Variants in LEP observed in about 807,000 individuals in gnomAD.
LEP encodes the protein leptin, also known as leptin (murine obesity homolog).
In LEP, 6 loss-of-function variants were observed where a neutral mutation model predicts 9.8. That is an observed-to-expected ratio of 0.61 (90% CI 0.34 to 1.21). The LOEUF (loss-of-function observed/expected upper bound fraction) is 1.21, where lower values mean the gene tolerates loss of function less well. Ranked by LOEUF, LEP falls within the 50% of genes most tolerant of loss-of-function variation. The probability of loss-of-function intolerance (pLI) is 0.04; values close to 1 mark genes in which losing one functional copy is unlikely to be tolerated. For missense variants in LEP, 134 were observed against 198.1 expected (o/e 0.68, Z 1.94); for synonymous variants, 112 against 81.7 (o/e 1.37, Z -2.00).
intron 1 of LEP, among the ~76,000 whole-genome samples, chr7:128,246,850 G>A (rs1169880637): frequency 1.3e-5 from 2 of 152,154 alleles, no homozygotes; most frequent in Admixed American, 1.3e-4. Flanking sequence ...GAGGGTAGAA[G>A]ATGGGGCAGC....
At position 128,254,931 on chromosome 7, in the gene LEP, C is replaced by T; in HGVS notation, c.*168C>T. 1 of 737,598 alleles carries T rather than the reference C, an allele frequency of 1.4e-6. No individual in the cohort carries two copies. Among genetic ancestry groups the T allele is most frequent in the African/African-American group, 1.8e-5 (1 of 57,124 alleles). The allele number at this position is 737,598 out of a possible 1,614,324, so 45.7% of individuals were successfully genotyped here. On this transcript the variant is annotated 3_prime_UTR_variant, in exon 3 of 3. Coordinates refer to ENST00000308868, the MANE Select transcript of LEP (RefSeq NM_000230.3). ...TCCAAAGGCATAAGACCCTAAGCCT[C>T]CTTTTGCTTGAAACCAAAGATATAT...
intron 2 of LEP, among the ~76,000 whole-genome samples, 165 bp downstream of exon 2, chr7:128,252,327 C>G (rs897560443): frequency 2.6e-5 from 4 of 152,244 alleles, no homozygotes; most frequent in African/African-American, 9.6e-5. Context: ...TCCACTCTTT[C>G]TGGTTGTTTC....
intron 1 of LEP, among the ~76,000 whole-genome samples, chr7:128,245,834 C>T (rs545969860): frequency 8.4e-4 from 127 of 152,040 alleles, no homozygotes; most frequent in African/African-American, 2.7e-3. Flanking sequence ...GAGGCCGAGG[C>T]GGGTGGATCA....
intron 1 of LEP, among the ~76,000 whole-genome samples, chr7:128,251,031 CCCG>C (rs1461038530): frequency 6.6e-6 from 1 of 152,196 alleles, no homozygotes; most frequent in Non-Finnish European, 1.5e-5. Flanking sequence ...TATGCTCTCT[CCCG>C]CCACCATGTC....
At chr7:128,253,686 A>G (rs1051914206) in intron 2 of LEP, among the ~76,000 whole-genome samples, 1 of 152,190 alleles carries the variant, frequency 6.6e-6, no homozygotes, top group African/African-American at 2.4e-5. Context: ...ATGGCTCAGA[A>G]CTAGATAGAG....
intron 1 of LEP, among the ~76,000 whole-genome samples, chr7:128,246,101 A>T (rs1371656882): frequency 6.6e-6 from 1 of 152,010 alleles, no homozygotes; most frequent in Non-Finnish European, 1.5e-5. Context: ...AAAATAAAAA[A>T]AATAAAGAGG....
chr7:128,245,781 G>T (rs1437611018), intron 1 of LEP, among the ~76,000 whole-genome samples: 1 of 152,180 alleles, frequency 6.6e-6, no homozygotes, highest in Non-Finnish European at 1.5e-5. Context: ...AGCAGCAGAT[G>T]GGCCAGGCTC....
intron 1 of LEP, among the ~76,000 whole-genome samples, chr7:128,245,634 A>G (rs1795202021): frequency 6.6e-6 from 1 of 152,212 alleles, no homozygotes; most frequent in African/African-American, 2.4e-5. Context: ...CTCATAATTA[A>G]TAGCAAATAC....
Position 128,255,081 on chromosome 7 carries a change from C to T in LEP, c.*318C>T. 1 of 386,820 alleles carries T rather than the reference C, an allele frequency of 2.6e-6. No individual in the cohort carries two copies. The highest frequency in any genetic ancestry group is 4.9e-6 in the Non-Finnish European group (1 of 202,374). The allele number at this position is 386,820 out of a possible 1,614,324, so 24.0% of individuals were successfully genotyped here. A position where few individuals can be genotyped will look rare whatever the true frequency, so the allele number is the denominator to read the frequency against. On this transcript the variant is annotated 3_prime_UTR_variant, in exon 3 of 3. Transcript: ENST00000308868. ...CTTGTCCCCTCTTGACCCATCTCCC[C>T]CTCACTGAATGCCTCAATGTGACCA...
rs1795334423 is a variant in LEP at position 128,255,953 on chromosome 7, C to G, written c.*1190C>G. 1 of 152,328 alleles carries G rather than the reference C, an allele frequency of 6.6e-6. No individual in the cohort carries two copies. The highest frequency in any genetic ancestry group is 1.9e-4 in the East Asian group (1 of 5,174). The allele number at this position is 152,328 out of a possible 1,614,324, so 9.4% of individuals were successfully genotyped here. The stretch of plus-strand genomic sequence containing the variant: ...TCTTTCCTATCATGGAGTGACGGTC[C>G]CACACTGGTGACTGCGATCTTCAGA... On this transcript the variant is annotated 3_prime_UTR_variant, in exon 3 of 3. Transcript: ENST00000308868.
chr7:128,247,049 A>G (rs1795219546), intron 1 of LEP, among the ~76,000 whole-genome samples: 1 of 152,210 alleles, frequency 6.6e-6, no homozygotes, highest in South Asian at 2.1e-4. Context: ...TAGCACTCAG[A>G]GGAAAGAATG....
Position 128,254,845 on chromosome 7 carries a change from A to G in LEP, c.*82A>G. ...CCAGGTATCTCCAGGATTGAAGAGC[A>G]TTGCATGGACACCCCTTATCCAGGA... On this transcript the variant is annotated 3_prime_UTR_variant, in exon 3 of 3. Coordinates refer to ENST00000308868, the MANE Select transcript of LEP (RefSeq NM_000230.3). The G allele has an allele frequency of 1.4e-6, 2 of 1,464,392 alleles. No individual in the cohort carries two copies. Among genetic ancestry groups the G allele is most frequent in the African/African-American group, 1.4e-5 (1 of 72,382 alleles). The allele number at this position is 1,464,392 out of a possible 1,614,324, so 90.7% of individuals were successfully genotyped here.
Position 128,254,814 on chromosome 7 carries a change from T to C in LEP, c.*51T>C, listed in dbSNP as rs750557041. 5.0e-6 allele frequency: 8 copies of C among 1,592,814 alleles called. No individual in the cohort carries two copies. In the East Asian group the frequency reaches 1.6e-4, roughly 31 times the overall value. On this transcript the variant is annotated 3_prime_UTR_variant, in exon 3 of 3. Coordinates refer to ENST00000308868, the MANE Select transcript of LEP (RefSeq NM_000230.3). ...AGGACTACGTTAAGGGAAGGAACTC[T>C]GGCTTCCAGGTATCTCCAGGATTGA...
chr7:128,249,099 G>A (rs946118595), intron 1 of LEP, among the ~76,000 whole-genome samples: 5 of 152,128 alleles, frequency 3.3e-5, no homozygotes, highest in African/African-American at 9.7e-5. Context: ...CCCTTCTTGG[G>A]CCATGGCCAG....
intron 2 of LEP, among the ~76,000 whole-genome samples, chr7:128,253,261 C>A (rs1009736818): frequency 7.2e-5 from 11 of 152,074 alleles, no homozygotes; most frequent in Admixed American, 2.0e-4. Flanking sequence ...TCAAAGATAC[C>A]CAAAAGAGCG....
At chr7:128,246,787 G>A (rs955729665) in intron 1 of LEP, among the ~76,000 whole-genome samples, 10 of 152,160 alleles carry the variant, frequency 6.6e-5, no homozygotes, top group African/African-American at 2.4e-4. Context: ...AGCTCCAGGG[G>A]CTCCACATTC....
intron 1 of LEP, among the ~76,000 whole-genome samples, chr7:128,245,423 A>G (rs1348535456): frequency 1.3e-5 from 2 of 152,160 alleles, no homozygotes; most frequent in East Asian, 3.9e-4. Context: ...TGTCTGTTCC[A>G]CTAGATTCTG....
At position 128,252,131 on chromosome 7, in the gene LEP, T is replaced by C. The variant is rs1795282176; in HGVS notation, c.113T>C (p.Ile38Thr). 1 of 1,614,156 alleles carries C rather than the reference T, an allele frequency of 6.2e-7. No individual in the cohort carries two copies. Among genetic ancestry groups the C allele is most frequent in the Non-Finnish European group, 8.5e-7 (1 of 1,180,032 alleles). ...GACACCAAAACCCTCATCAAGACAA[T>C]TGTCACCAGGATCAATGACATTTCA... ...QDDTKTLIKTIVTRINDISHT... is the reference protein window; with the variant it reads ...QDDTKTLIKTTVTRINDISHT... Residue 38 changes from isoleucine (I) to threonine (T), a missense_variant, in exon 2 of 3, where the codon ATT becomes ACT. By Grantham distance (89) the Ile-to-Thr change is moderately conservative. Transcript: ENST00000308868.
Position 128,256,335 on chromosome 7 carries a change from G to A in LEP, c.*1572G>A, listed in dbSNP as rs1434244502. On this transcript the variant is annotated 3_prime_UTR_variant, in exon 3 of 3. Transcript: ENST00000308868. Reference sequence around the variant, plus strand: ...GCTGTGTTTTTGCTATCACACAGTGGGTGGTGGATCTGTCCAAGGAAACTT... The same window carrying A: ...GCTGTGTTTTTGCTATCACACAGTGAGTGGTGGATCTGTCCAAGGAAACTT... 2.6e-5 allele frequency: 4 copies of A among 152,674 alleles called. No homozygotes were observed. The highest frequency in any genetic ancestry group is 4.4e-5 in the Non-Finnish European group (3 of 68,070). 9.5% of individuals were successfully genotyped at this position (152,674 alleles called of 1,614,324 possible).
Sources: gnomAD v4.1 joint callset for allele counts (sites outside exome capture counted in the v4.1 genomes callset) on GRCh38, gnomAD v4.1.1 for gene constraint, MANE v1.5 for transcripts, NCBI Gene and HGNC (gene_info 2026-07-23, HGNC 2026-07-21) for gene names.